Variants in GLRA2 observed in about 807,000 individuals in gnomAD.
GLRA2 encodes the protein glycine receptor subunit alpha-2.
A neutral mutation model predicts 31.6 loss-of-function variants in GLRA2; 11 were observed. The observed-to-expected ratio is 0.35, with a 90% CI of 0.22 to 0.58. The LOEUF (loss-of-function observed/expected upper bound fraction) is 0.58, where lower values mean the gene tolerates loss of function less well. Ranked by LOEUF, GLRA2 falls within the 20% of genes least tolerant of loss-of-function variation. The pLI is 0.84. For synonymous variants in GLRA2, 132 were observed against 134.0 expected, an observed-to-expected ratio of 0.99 and a Z score of 0.10; for missense variants, 212 against 351.8, an observed-to-expected ratio of 0.60 and a Z score of 3.18.
intron 2 of GLRA2, among the ~76,000 whole-genome samples, chrX:14,540,328 G>T (rs1054880295): frequency 9.0e-6 from 1 of 111,326 alleles, no homozygotes; most frequent in Middle Eastern, 4.2e-3. Flanking sequence ...CAGCTATACA[G>T]AAGGGTCACC....
At chrX:14,505,112 G>C in the GLRA2 span, among the ~76,000 whole-genome samples, 1 of 112,233 alleles carries the variant, frequency 8.9e-6, no homozygotes, top group Non-Finnish European at 1.9e-5. Context: ...CCATGACACA[G>C]AGAAGTAAGC....
chrX:14,713,197 T>C (rs955362147), intron 8 of GLRA2, among the ~76,000 whole-genome samples: 5 of 112,200 alleles, frequency 4.5e-5, no homozygotes, highest in Non-Finnish European at 7.5e-5. Context: ...CTGATGCTGT[T>C]ATTATTGTTT....
At chrX:14,710,264 C>T (rs1377605115) in intron 8 of GLRA2, among the ~76,000 whole-genome samples, 3 of 112,184 alleles carry the variant, frequency 2.7e-5, no homozygotes, top group Admixed American at 9.4e-5. Context: ...ACAGCATTGA[C>T]TTTCATCCCT....
intron 7 of GLRA2, among the ~76,000 whole-genome samples, chrX:14,628,120 G>T (rs1216262508): frequency 9.0e-6 from 1 of 111,420 alleles, no homozygotes; most frequent in African/African-American, 3.3e-5. Flanking sequence ...GTATACTAAT[G>T]TCCAGGCATA....
chrX:14,460,878 AG>A, the GLRA2 span, among the ~76,000 whole-genome samples: 3 of 108,742 alleles, frequency 2.8e-5, no homozygotes, highest in African/African-American at 1.0e-4. Flanking sequence ...CTCTCATCTT[AG>A]TTATTTCTTG....
intron 8 of GLRA2, among the ~76,000 whole-genome samples, chrX:14,726,729 C>T (rs2091933349): frequency 8.9e-6 from 1 of 112,415 alleles, no homozygotes; most frequent in Admixed American, 9.4e-5. Flanking sequence ...TGTCCATTCA[C>T]AGTATGTGAT....
At chrX:14,613,175 G>A (rs191950435) in intron 7 of GLRA2, among the ~76,000 whole-genome samples, 32 of 111,220 alleles carry the variant, frequency 2.9e-4, no homozygotes, top group African/African-American at 9.8e-4. Context: ...TTTCTACATC[G>A]TCGGTATTCA....
At chrX:14,481,478 C>A in the GLRA2 span, among the ~76,000 whole-genome samples, 1 of 111,100 alleles carries the variant, frequency 9.0e-6, no homozygotes, top group South Asian at 3.8e-4. Context: ...GGAAAGCTAG[C>A]AATTTAGAGT....
chrX:14,566,417 G>A (rs1035473266), intron 2 of GLRA2, among the ~76,000 whole-genome samples: 1 of 112,003 alleles, frequency 8.9e-6, no homozygotes, highest in African/African-American at 3.2e-5. Context: ...AGTAGGCAAG[G>A]AGGAAACACT....
chrX:14,530,210 A>G, intron 1 of GLRA2, 85 bp downstream of exon 1: 1 of 575,859 alleles, frequency 1.7e-6, no homozygotes, highest in Non-Finnish European at 2.9e-6. Context: ...TGTGCTCTGG[A>G]CTATATTATT....
At chrX:14,461,645 G>A in the GLRA2 span, among the ~76,000 whole-genome samples, 1 of 111,485 alleles carries the variant, frequency 9.0e-6, no homozygotes, top group Non-Finnish European at 1.9e-5. Flanking sequence ...TTTAAAGTCT[G>A]TTTTATCAGA....
the GLRA2 span, among the ~76,000 whole-genome samples, chrX:14,452,737 C>A: frequency 8.9e-6 from 1 of 112,007 alleles, no homozygotes; most frequent in Non-Finnish European, 1.9e-5. Context: ...AAGTTAGGTG[C>A]AGAGTTTTGT....
chrX:14,681,910 A>ATATATATATATATAT (rs1556060453), intron 7 of GLRA2, among the ~76,000 whole-genome samples: 17 of 41,256 alleles, frequency 4.1e-4, no homozygotes, highest in Non-Finnish European at 6.2e-4. Context: ...AAAAAAAAAA[A>ATATATATATATATAT]ATATATATAT....
intron 4 of GLRA2, among the ~76,000 whole-genome samples, chrX:14,595,203 C>T (rs2090188504): frequency 9.0e-6 from 1 of 111,593 alleles, no homozygotes. Flanking sequence ...AATTTATTTA[C>T]ACAAAGAAGG....
At chrX:14,617,310 T>C (rs1172241513) in intron 7 of GLRA2, among the ~76,000 whole-genome samples, 1 of 111,975 alleles carries the variant, frequency 8.9e-6, no homozygotes, top group Non-Finnish European at 1.9e-5. Context: ...GGCACTATGT[T>C]ATAATACATG....
the GLRA2 span, among the ~76,000 whole-genome samples, chrX:14,489,620 T>G: frequency 1.5e-4 from 17 of 111,943 alleles, no homozygotes; most frequent in Non-Finnish European, 2.6e-4. Flanking sequence ...GATGCGGACT[T>G]CTGTGGTTGC....
At chrX:14,469,935 T>A in the GLRA2 span, among the ~76,000 whole-genome samples, 60 of 111,769 alleles carry the variant, frequency 5.4e-4, 1 homozygote, top group South Asian at 0.021. Context: ...AACGTTTTGA[T>A]GTAATTTCAA....
At chrX:14,489,902 A>AT in the GLRA2 span, among the ~76,000 whole-genome samples, 3 of 110,553 alleles carry the variant, frequency 2.7e-5, no homozygotes, top group African/African-American at 9.9e-5. Flanking sequence ...TAAAGTGATT[A>AT]TTTTTTTTCT....
chrX:14,515,217 C>T, the GLRA2 span, among the ~76,000 whole-genome samples: 5 of 111,570 alleles, frequency 4.5e-5, no homozygotes, highest in Non-Finnish European at 9.4e-5. Context: ...TCTTCTTGTC[C>T]TGTTATTATT....
Sources: gnomAD v4.1 joint callset for allele counts (sites outside exome capture counted in the v4.1 genomes callset) on GRCh38, gnomAD v4.1.1 for gene constraint, MANE v1.5 for transcripts, NCBI Gene and HGNC (gene_info 2026-07-23, HGNC 2026-07-21) for gene names.